The following TADA3 variants were observed in gnomAD, a reference collection of about 807,000 sequenced individuals.
The protein encoded by TADA3 is transcriptional adaptor 3.
In TADA3, 25 loss-of-function variants were observed where a neutral mutation model predicts 43.2. The ratio of observed to expected loss-of-function variants is 0.58; its 90% CI spans 0.42 to 0.81. TADA3 has a LOEUF of 0.81. Ranked by LOEUF, TADA3 falls within the 30% of genes least tolerant of loss-of-function variation. TADA3 has a pLI of 0.00. For missense variants in TADA3, 441 were observed against 567.8 expected, an observed-to-expected ratio of 0.78 and a Z score of 2.27; for synonymous variants, 235 against 225.5, an observed-to-expected ratio of 1.04 and a Z score of -0.38.
upstream of TADA3, chr3:9,792,761 G>T (rs1424795228): frequency 8.0e-7 from 1 of 1,245,178 alleles, no homozygotes; most frequent in Non-Finnish European, 1.0e-6. Context: ...CGAAGGGCTC[G>T]TCCGCTTCGG....
chr3:9,790,023 C>T, intron 2 of TADA3, 60 bp from the exon 3 acceptor site: 2 of 1,514,716 alleles, frequency 1.3e-6, no homozygotes, highest in Non-Finnish European at 1.8e-6. Flanking sequence ...TATCTCTTTC[C>T]TCTAGTGAAT....
At chr3:9,788,268 CAG>C (rs924232552) in intron 4 of TADA3, 1 of 152,994 alleles carries the variant, frequency 6.5e-6, no homozygotes, top group Non-Finnish European at 1.5e-5. Context: ...TTTTTTGAGA[CAG>C]AGTCTTGCTC....
At chr3:9,785,274 A>C (rs763351842) in intron 7 of TADA3, 42 bp downstream of exon 7, 3 of 1,506,594 alleles carry the variant, frequency 2.0e-6, no homozygotes, top group Non-Finnish European at 2.8e-6. Flanking sequence ...AGCCAACAGA[A>C]GCGGGGGCCA....
intron 7 of TADA3, among the ~76,000 whole-genome samples, chr3:9,784,576 G>T (rs750760177): frequency 6.6e-6 from 1 of 151,576 alleles, no homozygotes; most frequent in Non-Finnish European, 1.5e-5. Context: ...TAAATATATT[G>T]TAAGTAAGCC....
chr3:9,791,601 G>A lies in TADA3; in HGVS notation c.-27-108C>T, dbSNP rs562499830. On this transcript the variant is annotated intron_variant, in intron 1 of 8. Transcript: ENST00000301964. ...GGAAGCCCAGCTTCAGTCCCTTACT[G>A]ACAAAATTGATGGCACAGTTCCTAC... is the stretch of plus-strand genomic sequence containing the variant. 3 of 640,896 alleles carry A rather than the reference G, an allele frequency of 4.7e-6. No homozygotes were observed. In the Admixed American group the frequency reaches 9.6e-5, roughly 20 times the overall value. The allele number at this position is 640,896 out of a possible 1,614,324, so 39.7% of individuals were successfully genotyped here.
At chr3:9,790,926 A>G (rs2125628083) in intron 2 of TADA3, among the ~76,000 whole-genome samples, 1 of 152,164 alleles carries the variant, frequency 6.6e-6, no homozygotes, top group East Asian at 1.9e-4. Flanking sequence ...ATCACCTGGT[A>G]TGTACTTGAC....
chr3:9,785,166 C>T (rs1575299637), intron 7 of TADA3, 150 bp downstream of exon 7: 4 of 593,266 alleles, frequency 6.7e-6, no homozygotes, highest in Non-Finnish European at 6.1e-6. Flanking sequence ...CATGCAGACA[C>T]GCTGGGTCAT....
rs769069514 is a variant in TADA3 at position 9,789,708 on chromosome 3, A to G, written c.458+5T>C. 3.1e-6 allele frequency: 5 copies of G among 1,611,852 alleles called. No homozygotes were observed. The African/African-American group carries it at 5.3e-5, about 17-fold the overall frequency. On this transcript the variant is annotated splice_donor_5th_base_variant and intron_variant, in intron 3 of 8. Transcript: ENST00000301964. ...GGCCCCCTTCTATGTTCTCTAGCCCAGAACCTGTTGGGGGCATCATTTTTG... is the reference window on the plus strand; with the variant it reads ...GGCCCCCTTCTATGTTCTCTAGCCCGGAACCTGTTGGGGGCATCATTTTTG...
chr3:9,781,492 T>A (rs1170644833), intron 8 of TADA3: 3 of 455,790 alleles, frequency 6.6e-6, no homozygotes, highest in Middle Eastern at 3.7e-4. Context: ...AAACTCTTGT[T>A]TTTAAACACT....
rs2078630738 is a variant in TADA3, at chr3:9,787,049, G to A, written c.767C>T (p.Pro256Leu). ...GAGGCGCTGCGTCAGGGCACCAAAG[G>A]GGCATCCATCTTCCGGCTGTTCATG... is the stretch of plus-strand genomic sequence containing the variant. ...AQHEQPEDGC[P>L]FGALTQRLLQ... Residue 256 changes from proline (P) to leucine (L), a missense_variant, in exon 6 of 9, where the codon CCC becomes CTC. Coordinates refer to ENST00000301964, the MANE Select transcript of TADA3 (RefSeq NM_006354.5). 6.2e-7 allele frequency: 1 copy of A among 1,614,200 alleles called. No individual in the cohort carries two copies. The highest frequency in any genetic ancestry group is 2.2e-5 in the East Asian group (1 of 44,884).
chr3:9,786,468 G>A (rs917512225), intron 6 of TADA3, among the ~76,000 whole-genome samples: 5 of 152,042 alleles, frequency 3.3e-5, no homozygotes, highest in African/African-American at 4.8e-5. Context: ...AAGAGTGTGA[G>A]GGTGTGTCTA....
rs1359505073 is a variant in TADA3, at chr3:9,789,842, G to A, written c.329C>T (p.Ala110Val). The A allele has an allele frequency of 6.2e-7, 1 of 1,614,276 alleles. No homozygotes were observed. Among genetic ancestry groups the A allele is most frequent in the Admixed American group, 1.7e-5 (1 of 60,028 alleles). ...TGGGCCAGGGCCCGGCCCATGTCCT[G>A]CCTTCCCTTCCAGTTTCTGCTTCTT... ...KPKKQKLEGK[A>V]GHGPGPGPGR... is the part of the protein sequence containing the mutation. The change falls in exon 3 of 9, where the codon GCA becomes GTA. Residue 110 changes from alanine to valine, a missense_variant. Transcript: ENST00000301964.
At chr3:9,788,993 G>A (rs1236508374) in intron 4 of TADA3, among the ~76,000 whole-genome samples, 1 of 152,064 alleles carries the variant, frequency 6.6e-6, no homozygotes, top group Non-Finnish European at 1.5e-5. Context: ...ACACCGCCAT[G>A]CCTGGCTAAT....
chr3:9,783,981 C>G (rs2078542778), intron 8 of TADA3, 47 bp downstream of exon 8: 2 of 1,570,734 alleles, frequency 1.3e-6, no homozygotes, highest in African/African-American at 2.7e-5. Flanking sequence ...GCCGTGGCCA[C>G]AGCCTCCAAG....
intron 4 of TADA3, 144 bp downstream of exon 4, chr3:9,789,365 G>A (rs1309759963): frequency 5.7e-6 from 4 of 698,140 alleles, no homozygotes; most frequent in Middle Eastern, 4.1e-4. Flanking sequence ...TTGGGCCTAG[G>A]TGTCTGGAGG....
upstream of TADA3, chr3:9,792,883 T>A (rs547651933): frequency 2.6e-5 from 36 of 1,387,508 alleles, no homozygotes; most frequent in East Asian, 8.5e-4. Context: ...GCTGCACCCA[T>A]TCCTGGAGGA....
intron 8 of TADA3, chr3:9,781,501 CTG>C (rs1360997111): frequency 8.8e-6 from 4 of 456,254 alleles, no homozygotes; most frequent in South Asian, 6.2e-5. Context: ...TTTTTAAACA[CTG>C]TTGTTTCAGG....
At chr3:9,781,398 T>A (rs992684221) in intron 8 of TADA3, 1 of 423,426 alleles carries the variant, frequency 2.4e-6, no homozygotes, top group Non-Finnish European at 4.9e-6. Flanking sequence ...ATTATTCATA[T>A]GTTACCCGTG....
Position 9,789,825 on chromosome 3 carries a change from G to A in TADA3, c.346C>T (p.Pro116Ser). ...TTGGATTTGGGCCGTCCTGGGCCAGGGCCCGGCCCATGTCCTGCCTTCCCT... is the reference window on the plus strand; with the variant it reads ...TTGGATTTGGGCCGTCCTGGGCCAGAGCCCGGCCCATGTCCTGCCTTCCCT... ...LEGKAGHGPG[P>S]GPGRPKSKNL... Residue 116 changes from proline (P) to serine (S), a missense_variant, in exon 3 of 9, where the codon CCT becomes TCT. By Grantham distance (74) the Pro-to-Ser change is moderately conservative. Transcript: ENST00000301964. 6.2e-7 allele frequency: 1 copy of A among 1,614,224 alleles called. No individual in the cohort carries two copies.
Sources: gnomAD v4.1 joint callset for allele counts (sites outside exome capture counted in the v4.1 genomes callset) on GRCh38, gnomAD v4.1.1 for gene constraint, MANE v1.5 for transcripts, NCBI Gene and HGNC (gene_info 2026-07-23, HGNC 2026-07-21) for gene names.